SCFD1: variants seen among roughly 807,000 people sequenced by gnomAD.
SCFD1 encodes sec1 family domain-containing protein 1.
A neutral mutation model predicts 103.2 loss-of-function variants in SCFD1; 37 were observed. The ratio of observed to expected loss-of-function variants is 0.36; its 90% CI spans 0.28 to 0.47. The LOEUF (loss-of-function observed/expected upper bound fraction) is 0.47, where lower values mean the gene tolerates loss of function less well. Among genes scored for constraint, SCFD1 ranks in the 20% least tolerant of loss-of-function variants. The probability of loss-of-function intolerance (pLI) is 1.00; values close to 1 mark genes in which losing one functional copy is unlikely to be tolerated. For synonymous variants in SCFD1, 264 were observed against 245.0 expected, an observed-to-expected ratio of 1.08 and a Z score of -0.73; for missense variants, 639 against 761.2, an observed-to-expected ratio of 0.84 and a Z score of 1.89.
chr14:30,677,828 T>A (rs982459439), intron 14 of SCFD1, among the ~76,000 whole-genome samples: 1 of 54,274 alleles, frequency 1.8e-5, no homozygotes, highest in African/African-American at 9.0e-5. Flanking sequence ...CCTAAGCACC[T>A]TTTTTTTTTT....
intron 14 of SCFD1, among the ~76,000 whole-genome samples, chr14:30,678,277 T>C (rs1056968576): frequency 1.3e-5 from 2 of 152,334 alleles, no homozygotes; most frequent in African/African-American, 4.8e-5. Context: ...AGTCGTTTTC[T>C]AAAGAAGAAA....
intron 7 of SCFD1, among the ~76,000 whole-genome samples, chr14:30,647,255 C>T (rs1885929136): frequency 6.6e-6 from 1 of 151,952 alleles, no homozygotes; most frequent in Non-Finnish European, 1.5e-5. Context: ...TAAAATATGT[C>T]ACACAAAAAA....
At chr14:30,715,692 A>C (rs1892232043) in intron 19 of SCFD1, 1 of 407,088 alleles carries the variant, frequency 2.5e-6, no homozygotes, top group African/African-American at 2.1e-5. Flanking sequence ...ACCTGAATAC[A>C]CCTATACATT....
rs2295542 is a variant in SCFD1, at chr14:30,710,614, A to T, written c.1629+2549A>T. Among the ~76,000 whole-genome samples, 399 of 152,324 alleles carry T rather than the reference A, an allele frequency of 2.6e-3. 8 individuals are homozygous for T. In the East Asian group the frequency reaches 0.053, roughly 20 times the overall value. On this transcript the variant is annotated intron_variant, in intron 19 of 24. Transcript: ENST00000458591. ...ATTGCTAGGATTGAAATCTAGAATC[A>T]AGAGTGTAGACATTTCTAATTGTTC...
chr14:30,647,268 TA>T (rs1885931000), intron 7 of SCFD1, among the ~76,000 whole-genome samples: 1 of 152,174 alleles, frequency 6.6e-6, no homozygotes, highest in South Asian at 2.1e-4. Context: ...ACAAAAAAAT[TA>T]AGAACTACCA....
chr14:30,667,291 C>G (rs530432051), intron 10 of SCFD1, among the ~76,000 whole-genome samples: 1 of 152,118 alleles, frequency 6.6e-6, no homozygotes. Flanking sequence ...ATAAACAGAA[C>G]CAAAGACAAA....
intron 14 of SCFD1, among the ~76,000 whole-genome samples, chr14:30,682,560 A>T (rs150431139): frequency 2.0e-5 from 3 of 152,230 alleles, no homozygotes; most frequent in Admixed American, 6.5e-5. Flanking sequence ...ATACAAAGCA[A>T]TTGAGTTTTG....
rs942904162 is a variant in SCFD1 at position 30,683,369 on chromosome 14, A to G, written c.1242+8304A>G. The G allele has an allele frequency of 6.1e-5, 34 of 556,972 alleles. No individual in the cohort carries two copies. In the African/African-American group the frequency reaches 6.1e-4, roughly 10 times the overall value. The allele number at this position is 556,972 out of a possible 1,614,324, so 34.5% of individuals were successfully genotyped here. ...GGAACTCTAGTGAGAGCTTATGCTT[A>G]TACCTCAGGTCTTCATATATTGTGG... is the stretch of plus-strand genomic sequence containing the variant. On this transcript the variant is annotated intron_variant, in intron 14 of 24. Transcript: ENST00000458591.
rs562439121 is a variant in SCFD1 at position 30,705,720 on chromosome 14, C to G, written c.1491-103C>G. The G allele has an allele frequency of 8.8e-6, 7 of 799,674 alleles. No individual in the cohort carries two copies. In the Admixed American group the frequency reaches 1.6e-4, roughly 18 times the overall value. 49.5% of individuals were successfully genotyped at this position (799,674 alleles called of 1,614,324 possible). A position where few individuals can be genotyped will look rare whatever the true frequency, so the allele number is the denominator to read the frequency against. Reference sequence around the variant, plus strand: ...GAAAAATTCTCTTTTCAGAAAATGTCTGCATCATAGAAGTTAGAGTTAGTC... The same window carrying G: ...GAAAAATTCTCTTTTCAGAAAATGTGTGCATCATAGAAGTTAGAGTTAGTC... On this transcript the variant is annotated intron_variant, in intron 17 of 24. Transcript: ENST00000458591.
rs1005004992 is a variant in SCFD1, at chr14:30,663,311, CTT to C, written c.856-6944_856-6943del. Among the ~76,000 whole-genome samples the C allele has an allele frequency of 9.8e-4, 149 of 152,304 alleles. 2 individuals are homozygous for C. The highest frequency in any genetic ancestry group is 3.4e-3 in the African/African-American group (140 of 41,592). ...TCACTAGAAATTCTAGTTAATAAAA[CTT>C]AACTGTTTAAAGATGTTTCTCTTCA... On this transcript the variant is annotated intron_variant, in intron 10 of 24. Transcript: ENST00000458591.
chr14:30,721,663 C>G, intron 21 of SCFD1: 2 of 521,192 alleles, frequency 3.8e-6, no homozygotes, highest in Non-Finnish European at 6.8e-6. Flanking sequence ...GACCCATTTC[C>G]TTTTAGACTC....
At chr14:30,735,137 T>G (rs113741066) in intron 24 of SCFD1, 2 of 353,460 alleles carry the variant, frequency 5.7e-6, no homozygotes, top group African/African-American at 2.1e-5. Flanking sequence ...CTGTCAGTAG[T>G]GTGTCACTCA....
At chr14:30,730,352 A>G (rs1163062071) in intron 23 of SCFD1, among the ~76,000 whole-genome samples, 1 of 152,236 alleles carries the variant, frequency 6.6e-6, no homozygotes, top group Non-Finnish European at 1.5e-5. Context: ...AGCATGATTT[A>G]TAATCCTTTG....
At chr14:30,642,276 C>T (rs533920831) in intron 6 of SCFD1, among the ~76,000 whole-genome samples, 72 of 152,146 alleles carry the variant, frequency 4.7e-4, no homozygotes, top group Non-Finnish European at 8.8e-4. Flanking sequence ...TTAGTAGAGA[C>T]GGGGTTTCAC....
chr14:30,698,856 A>G (rs1428421276), intron 15 of SCFD1, among the ~76,000 whole-genome samples: 1 of 152,182 alleles, frequency 6.6e-6, no homozygotes, highest in African/African-American at 2.4e-5. Context: ...CCTGAACTGC[A>G]CATCTATGAA....
intron 15 of SCFD1, among the ~76,000 whole-genome samples, chr14:30,697,210 T>C (rs1472402587): frequency 6.6e-6 from 1 of 151,896 alleles, no homozygotes; most frequent in African/African-American, 2.4e-5. Context: ...ATTCCAGAGG[T>C]GGGGCAGGGA....
In SCFD1 at chr14:30,665,096, T is replaced by C. The variant is rs533127977; in HGVS notation, c.856-5160T>C. On this transcript the variant is annotated intron_variant, in intron 10 of 24. Transcript: ENST00000458591. Reference sequence around the variant, plus strand: ...AACCCCAAGACACATAATTGTCAGATTCACCAAGGTGAAATGAAGGAAAAA... The same window carrying C: ...AACCCCAAGACACATAATTGTCAGACTCACCAAGGTGAAATGAAGGAAAAA... Among the ~76,000 whole-genome samples, 464 of 152,150 alleles carry C rather than the reference T, an allele frequency of 3.0e-3. 2 individuals carry two copies. Among genetic ancestry groups the C allele is most frequent in the African/African-American group, 0.011 (455 of 41,450 alleles).
chr14:30,652,998 C>CA (rs1454854319), intron 9 of SCFD1, among the ~76,000 whole-genome samples: 41 of 141,438 alleles, frequency 2.9e-4, no homozygotes, highest in East Asian at 1.2e-3. Flanking sequence ...GACAGAGTCT[C>CA]AAAAAAAAAA....
In SCFD1 at chr14:30,683,628, G is replaced by A. The variant is rs971780875; in HGVS notation, c.1242+8563G>A. On this transcript the variant is annotated intron_variant, in intron 14 of 24. Coordinates refer to ENST00000458591, the MANE Select transcript of SCFD1 (RefSeq NM_016106.4). ...GCGGTGCTGGCAGAGACAGGAACTCGGGAGAGCTCATGACTGCAACTGGGG... is the reference window on the plus strand; with the variant it reads ...GCGGTGCTGGCAGAGACAGGAACTCAGGAGAGCTCATGACTGCAACTGGGG... 56 of 261,086 alleles carry A rather than the reference G, an allele frequency of 2.1e-4. 1 individual carries two copies. Among genetic ancestry groups the A allele is most frequent in the South Asian group, 2.0e-4 (5 of 24,808 alleles). 16.2% of individuals were successfully genotyped at this position (261,086 alleles called of 1,614,324 possible). A position where few individuals can be genotyped will look rare whatever the true frequency, so the allele number is the denominator to read the frequency against.
Sources: gnomAD v4.1 joint callset for allele counts (sites outside exome capture counted in the v4.1 genomes callset) on GRCh38, gnomAD v4.1.1 for gene constraint, MANE v1.5 for transcripts, NCBI Gene and HGNC (gene_info 2026-07-23, HGNC 2026-07-21) for gene names.